DZIP3: variants seen among roughly 807,000 people sequenced by gnomAD.
DZIP3 encodes E3 ubiquitin-protein ligase DZIP3.
In DZIP3, 118 loss-of-function variants were observed where a neutral mutation model predicts 162.0. That is an observed-to-expected ratio of 0.73 (90% CI 0.63 to 0.85). The LOEUF (loss-of-function observed/expected upper bound fraction) is 0.85. Among genes scored for constraint, DZIP3 ranks in the 40% least tolerant of loss-of-function variants. The pLI is 0.00. For missense variants in DZIP3, 1,331 were observed against 1,407.0 expected, an observed-to-expected ratio of 0.95 and a Z score of 0.86; for synonymous variants, 438 against 458.6, an observed-to-expected ratio of 0.96 and a Z score of 0.57.
At chr3:108,597,005 A>T (rs1328838688) in intron 1 of DZIP3, among the ~76,000 whole-genome samples, 1 of 152,190 alleles carries the variant, frequency 6.6e-6, no homozygotes, top group African/African-American at 2.4e-5. Flanking sequence ...AAATAATTCA[A>T]ATGCTAATAT....
rs139582975 is a variant in DZIP3, at chr3:108,596,627, G to A, written c.-73+6788G>A. 2.0e-3 allele frequency among the ~76,000 whole-genome samples: 305 copies of A among 152,228 alleles called. 2 individuals are homozygous for A. The highest frequency in any genetic ancestry group is 2.9e-3 in the Admixed American group (45 of 15,296). ...ACTTCTAAAGGAGAATTTTAGGTTG[G>A]CCAAGAAGGCTGTTACAATCTACAC... On this transcript the variant is annotated intron_variant, in intron 1 of 32. Coordinates refer to ENST00000361582, the MANE Select transcript of DZIP3 (RefSeq NM_014648.4).
intron 19 of DZIP3, 166 bp downstream of exon 19, chr3:108,654,476 T>A: frequency 1.5e-6 from 1 of 679,978 alleles, no homozygotes; most frequent in African/African-American, 1.8e-5. Context: ...GAAAATAGAA[T>A]AAGGAAAAAA....
intron 2 of DZIP3, among the ~76,000 whole-genome samples, chr3:108,606,307 G>A (rs554904170): frequency 9.9e-5 from 15 of 152,116 alleles, no homozygotes; most frequent in African/African-American, 3.6e-4. Context: ...TACTAAACAG[G>A]GTCGTATTGG....
At chr3:108,612,448 C>T (rs1295979335) in intron 4 of DZIP3, among the ~76,000 whole-genome samples, 1 of 152,060 alleles carries the variant, frequency 6.6e-6, no homozygotes, top group Non-Finnish European at 1.5e-5. Flanking sequence ...TTTTGGAAAT[C>T]ACTTAGAAAC....
At position 108,656,027 on chromosome 3, in the gene DZIP3, T is replaced by C. The variant is rs545509854; in HGVS notation, c.2199+1717T>C. Among the ~76,000 whole-genome samples the C allele has an allele frequency of 4.6e-5, 7 of 152,222 alleles. No individual in the cohort carries two copies. In the South Asian group the frequency reaches 6.2e-4, roughly 14 times the overall value. The stretch of plus-strand genomic sequence containing the variant: ...CAAACTGGGTGGAACCCACCACAGC[T>C]CAAGGAGGCCTCTCTGCCTCTGTAG... On this transcript the variant is annotated intron_variant, in intron 19 of 32. Coordinates refer to ENST00000361582, the MANE Select transcript of DZIP3 (RefSeq NM_014648.4).
chr3:108,650,251 G>A (rs1942804099), intron 17 of DZIP3, among the ~76,000 whole-genome samples: 1 of 151,812 alleles, frequency 6.6e-6, no homozygotes, highest in African/African-American at 2.4e-5. Context: ...TATGCTAGAT[G>A]TGTTTATTGT....
At chr3:108,659,493 T>C (rs534562320) in intron 19 of DZIP3, among the ~76,000 whole-genome samples, 2 of 152,252 alleles carry the variant, frequency 1.3e-5, no homozygotes, top group South Asian at 2.1e-4. Flanking sequence ...TATCTCAAAA[T>C]AGTAAGAGCT....
intron 16 of DZIP3, chr3:108,648,632 T>G (rs1942733838): frequency 5.5e-6 from 1 of 182,882 alleles, no homozygotes; most frequent in Non-Finnish European, 1.2e-5. Flanking sequence ...TCTTCCTCCT[T>G]TGTTACATCC....
intron 32 of DZIP3, among the ~76,000 whole-genome samples, chr3:108,692,449 C>A (rs1944733912): frequency 6.6e-6 from 1 of 152,174 alleles, no homozygotes; most frequent in African/African-American, 2.4e-5. Context: ...TCATATGTTT[C>A]TGAATAGATC....
intron 19 of DZIP3, among the ~76,000 whole-genome samples, chr3:108,658,658 G>A (rs1259782589): frequency 6.6e-6 from 1 of 152,052 alleles, no homozygotes; most frequent in Non-Finnish European, 1.5e-5. Context: ...AACTGAAGGG[G>A]ATAGAGACAC....
chr3:108,617,186 C>T (rs2107532448), intron 5 of DZIP3, among the ~76,000 whole-genome samples: 1 of 152,106 alleles, frequency 6.6e-6, no homozygotes, highest in South Asian at 2.1e-4. Context: ...TTCAAGAGAT[C>T]TATTGTACAA....
chr3:108,646,525 G>A (rs1942627956), intron 14 of DZIP3, 92 bp from the exon 15 acceptor site: 1 of 872,590 alleles, frequency 1.1e-6, no homozygotes, highest in Non-Finnish European at 1.9e-6. Context: ...ATAAATTGGT[G>A]CAATATAAAA....
Position 108,675,890 on chromosome 3 carries a change from A to T in DZIP3, c.2781+17A>T. 6.2e-7 allele frequency: 1 copy of T among 1,601,430 alleles called. No homozygotes were observed. Among genetic ancestry groups the T allele is most frequent in the Non-Finnish European group, 8.5e-7 (1 of 1,173,612 alleles). On this transcript the variant is annotated intron_variant, in intron 25 of 32. Transcript: ENST00000361582. ...TTCCTCAGGGTAAGTCCTGAAGTAT[A>T]TTTGGAGAAAATTGGCTTAATGTTA...
chr3:108,631,055 A>ACACACACCCT, intron 8 of DZIP3, among the ~76,000 whole-genome samples: 1 of 18,006 alleles, frequency 5.6e-5, no homozygotes, highest in Non-Finnish European at 9.0e-5. Context: ...ACACACACAC[A>ACACACACCCT]CTCTCTCTCT....
At chr3:108,612,097 A>G (rs754359369) in intron 4 of DZIP3, among the ~76,000 whole-genome samples, 4 of 152,164 alleles carry the variant, frequency 2.6e-5, no homozygotes, top group Non-Finnish European at 4.4e-5. Context: ...GTTTTTCTGT[A>G]TAATTTGTGG....
Position 108,694,150 on chromosome 3 carries a change from A to C in DZIP3, c.*797A>C, listed in dbSNP as rs1944796885. On this transcript the variant is annotated 3_prime_UTR_variant, in exon 33 of 33. Transcript: ENST00000361582. Reference sequence around the variant, plus strand: ...AATTTTGCCTCCATATTTCAGTGCAAATATATTTTGAAGTTACTTTTAAAT... The same window carrying C: ...AATTTTGCCTCCATATTTCAGTGCACATATATTTTGAAGTTACTTTTAAAT... 6.6e-6 allele frequency: 1 copy of C among 152,148 alleles called. No homozygotes were observed. The highest frequency in any genetic ancestry group is 2.4e-5 in the African/African-American group (1 of 41,434). The allele number at this position is 152,148 out of a possible 1,614,324, so 9.4% of individuals were successfully genotyped here.
At chr3:108,606,117 T>C (rs1940354217) in intron 2 of DZIP3, among the ~76,000 whole-genome samples, 1 of 152,246 alleles carries the variant, frequency 6.6e-6, no homozygotes, top group South Asian at 2.1e-4. Context: ...TTTTACATTA[T>C]GTTTTACACA....
chr3:108,618,117 C>G lies in DZIP3; in HGVS notation c.375+1460C>G, dbSNP rs934977219. ...GGGGGTGCAGTTGCGAATAGCATCT[C>G]TATATTAATTTTATTCTAGTTCTTG... On this transcript the variant is annotated intron_variant, in intron 5 of 32. Coordinates refer to ENST00000361582, the MANE Select transcript of DZIP3 (RefSeq NM_014648.4). Among the ~76,000 whole-genome samples, 10 of 152,268 alleles carry G rather than the reference C, an allele frequency of 6.6e-5. No homozygotes were observed. The South Asian group carries it at 2.1e-3, about 32-fold the overall frequency.
chr3:108,690,125 C>G (rs924915270), intron 31 of DZIP3, among the ~76,000 whole-genome samples: 2 of 152,134 alleles, frequency 1.3e-5, no homozygotes, highest in East Asian at 3.8e-4. Flanking sequence ...TGCCATTGCC[C>G]ACAAGTAGAA....
Sources: allele counts gnomAD v4.1 joint callset (sites outside exome capture counted in the v4.1 genomes callset), GRCh38; gene constraint gnomAD v4.1.1; transcripts MANE v1.5; gene names NCBI Gene and HGNC (gene_info 2026-07-23, HGNC 2026-07-21).